ZNF69: variants seen among roughly 807,000 people sequenced by gnomAD.
The protein encoded by ZNF69 is ZNF3.
In ZNF69, 47 loss-of-function variants were observed where a neutral mutation model predicts 50.9. That is an observed-to-expected ratio of 0.92 (90% CI 0.73 to 1.18). ZNF69 has a LOEUF of 1.18. Among genes scored for constraint, ZNF69 ranks in the 50% most tolerant of loss-of-function variants. ZNF69 has a pLI of 0.00. For missense variants in ZNF69, 717 were observed against 675.1 expected (o/e 1.06, Z -0.69); for synonymous variants, 216 against 223.1 (o/e 0.97, Z 0.29).
the ZNF69 span, among the ~76,000 whole-genome samples, chr19:11,921,970 G>C: frequency 6.6e-6 from 1 of 152,076 alleles, no homozygotes; most frequent in African/African-American, 2.4e-5. Flanking sequence ...CCAGAGTGTG[G>C]CAAGGCAAGG....
At chr19:11,959,277 G>A in the ZNF69 span, among the ~76,000 whole-genome samples, 1 of 152,174 alleles carries the variant, frequency 6.6e-6, no homozygotes, top group Non-Finnish European at 1.5e-5. Flanking sequence ...CTTTGCAGAA[G>A]GAAATAGTTT....
At chr19:11,948,222 A>C in the ZNF69 span, 1 of 1,569,472 alleles carries the variant, frequency 6.4e-7, no homozygotes, top group Non-Finnish European at 8.7e-7. Context: ...TTGTTGATTA[A>C]TATAGAAGTA....
At chr19:11,960,629 CTG>C in the ZNF69 span, among the ~76,000 whole-genome samples, 1 of 151,096 alleles carries the variant, frequency 6.6e-6, no homozygotes, top group African/African-American at 2.4e-5. Flanking sequence ...ACCAAGATAT[CTG>C]TACATGTTTC....
chr19:11,926,520 C>T, the ZNF69 span: 1 of 152,536 alleles, frequency 6.6e-6, no homozygotes, highest in African/African-American at 2.4e-5. Context: ...TCCTGAGTAG[C>T]TGGGATTGCA....
chr19:11,906,301 C>G lies in ZNF69; in HGVS notation c.*203C>G, dbSNP rs573926630. The stretch of plus-strand genomic sequence containing the variant: ...GAAACTTCTGCAGACTTAAATGTCC[C>G]TGTCTGACAGCTTTGAAGAGAGTAG... On this transcript the variant is annotated 3_prime_UTR_variant, in exon 4 of 4. Transcript: ENST00000429654. 1.4e-6 allele frequency: 2 copies of G among 1,393,134 alleles called. No homozygotes were observed. Among genetic ancestry groups the G allele is most frequent in the East Asian group, 2.6e-5 (1 of 38,614 alleles). 86.3% of individuals were successfully genotyped at this position (1,393,134 alleles called of 1,614,324 possible).
At chr19:11,941,134 A>C in the ZNF69 span, among the ~76,000 whole-genome samples, 10 of 151,144 alleles carry the variant, frequency 6.6e-5, no homozygotes, top group Non-Finnish European at 1.2e-4. Flanking sequence ...TACAAACCTT[A>C]AGCTAGATAC....
the ZNF69 span, chr19:11,949,832 GT>G: frequency 6.2e-7 from 1 of 1,605,450 alleles, no homozygotes; most frequent in South Asian, 1.1e-5. Flanking sequence ...GCCTTCAGTT[GT>G]GCCTCAAACC....
the ZNF69 span, among the ~76,000 whole-genome samples, chr19:11,961,956 CACAT>C: frequency 6.8e-5 from 10 of 147,658 alleles, no homozygotes; most frequent in African/African-American, 2.3e-4. Flanking sequence ...CACACACACA[CACAT>C]ATATATTGTT....
At chr19:11,916,570 A>G (rs1473373306), downstream of ZNF69, among the ~76,000 whole-genome samples, 1 of 152,236 alleles carries the variant, frequency 6.6e-6, no homozygotes, top group Non-Finnish European at 1.5e-5. Context: ...AGCCAAGATC[A>G]TGCTACTGCA....
downstream of ZNF69, among the ~76,000 whole-genome samples, chr19:11,909,683 C>A (rs781355566): frequency 6.6e-6 from 1 of 152,096 alleles, no homozygotes; most frequent in African/African-American, 2.4e-5. Flanking sequence ...ATAATAAGAG[C>A]TATTTATGAC....
rs934740355 is a variant in ZNF69 at position 11,904,979 on chromosome 19, T to C, written c.582T>C (p.Cys194=). The change falls in exon 4 of 4, where the codon TGT becomes TGC. Residue 194 remains cysteine, a synonymous_variant. Coordinates refer to ENST00000429654, the MANE Select transcript of ZNF69 (RefSeq NM_001364730.1). ...RDHTGEKPYA[C]KECGKTFISH... ...ACACTGGAGAGAAACCCTATGCTTG[T>C]AAAGAATGTGGAAAAACTTTTATTT... 3 of 1,614,094 alleles carry C rather than the reference T, an allele frequency of 1.9e-6. No homozygotes were observed. Among genetic ancestry groups the C allele is most frequent in the Non-Finnish European group, 2.5e-6 (3 of 1,179,988 alleles).
At chr19:11,934,650 C>T in the ZNF69 span, among the ~76,000 whole-genome samples, 2 of 147,638 alleles carry the variant, frequency 1.4e-5, no homozygotes, top group African/African-American at 5.3e-5. Context: ...ACTCAGCCTC[C>T]AGAGTGTCTG....
At chr19:11,961,127 T>C in the ZNF69 span, among the ~76,000 whole-genome samples, 3,185 of 152,210 alleles carry the variant, frequency 0.021, 43 homozygotes, top group Non-Finnish European at 0.032. Flanking sequence ...ACAAAATTTA[T>C]ATGTACAAGC....
At chr19:11,904,556 G>A in intron 3 of ZNF69, 93 bp from the exon 4 acceptor site, 5 of 1,486,190 alleles carry the variant, frequency 3.4e-6, no homozygotes, top group Non-Finnish European at 4.5e-6. Context: ...ACACTTTGAT[G>A]GACAGTGTTA....
chr19:11,948,786 A>G, the ZNF69 span: 4 of 1,611,324 alleles, frequency 2.5e-6, no homozygotes, highest in Non-Finnish European at 2.5e-6. Flanking sequence ...AATGTAAACA[A>G]TGTGGTAAAT....
the ZNF69 span, among the ~76,000 whole-genome samples, chr19:11,945,721 G>C: frequency 6.6e-6 from 1 of 151,526 alleles, no homozygotes; most frequent in Non-Finnish European, 1.5e-5. Flanking sequence ...TCCTCCTCCT[G>C]GGGGACAGTA....
intron 1 of ZNF69, among the ~76,000 whole-genome samples, chr19:11,897,888 A>G (rs796526827): frequency 3.3e-5 from 5 of 151,104 alleles, no homozygotes; most frequent in South Asian, 2.1e-4. Context: ...AAAAAAAAAG[A>G]AAAGAAAAGA....
At chr19:11,977,385 G>A in the ZNF69 span, 1 of 1,613,976 alleles carries the variant, frequency 6.2e-7, no homozygotes, top group South Asian at 1.1e-5. Context: ...AAAGTGGAAA[G>A]ACCAGAACAT....
chr19:11,953,944 A>G, the ZNF69 span, among the ~76,000 whole-genome samples: 1 of 152,090 alleles, frequency 6.6e-6, no homozygotes. Context: ...TATGAACAGC[A>G]TTTTCTGGTT....
Sources: gnomAD v4.1 joint callset for allele counts (sites outside exome capture counted in the v4.1 genomes callset) on GRCh38, gnomAD v4.1.1 for gene constraint, MANE v1.5 for transcripts, NCBI Gene and HGNC (gene_info 2026-07-23, HGNC 2026-07-21) for gene names.